DPYSL3: variants seen among roughly 807,000 people sequenced by gnomAD.
The protein encoded by DPYSL3 is dihydropyrimidinase-related protein 3.
DPYSL3 carries 16 observed loss-of-function variants against 66.1 expected under a neutral mutation model. The observed-to-expected ratio is 0.24, with a 90% CI of 0.16 to 0.37. The LOEUF (loss-of-function observed/expected upper bound fraction) is 0.37. Ranked by LOEUF, DPYSL3 falls within the 10% of genes least tolerant of loss-of-function variation. DPYSL3 has a pLI of 1.00. For synonymous variants in DPYSL3, 338 were observed against 345.1 expected (o/e 0.98, Z 0.23); for missense variants, 738 against 916.2 (o/e 0.81, Z 2.51).
intron 1 of DPYSL3, among the ~76,000 whole-genome samples, chr5:147,506,784 T>A (rs1241042202): frequency 6.6e-6 from 1 of 152,120 alleles, no homozygotes; most frequent in Non-Finnish European, 1.5e-5. Flanking sequence ...AGAGGCTAAG[T>A]TACATGCTTA....
intron 1 of DPYSL3, among the ~76,000 whole-genome samples, chr5:147,502,279 G>A (rs905847690): frequency 4.6e-5 from 7 of 151,836 alleles, no homozygotes; most frequent in Non-Finnish European, 1.0e-4. Flanking sequence ...GAAATTGGGG[G>A]TACACAAACC....
At chr5:147,444,674 G>A (rs550367463) in intron 1 of DPYSL3, among the ~76,000 whole-genome samples, 94 of 152,238 alleles carry the variant, frequency 6.2e-4, no homozygotes, top group Admixed American at 2.2e-3. Flanking sequence ...TGTACCCAGA[G>A]ATAAGCCTGG....
At chr5:147,478,195 T>C (rs1298203941) in intron 1 of DPYSL3, among the ~76,000 whole-genome samples, 2 of 152,250 alleles carry the variant, frequency 1.3e-5, no homozygotes, top group African/African-American at 4.8e-5. Context: ...ATAGGTCTTC[T>C]TAATACACAC....
chr5:147,478,778 A>C lies in DPYSL3; in HGVS notation c.381+30700T>G, dbSNP rs76838922. ...TCTTATCCCTCAAGGTTGGTTCTCT[A>C]TCTGTCTGTGGGACCTTGGGGCCCT... On this transcript the variant is annotated intron_variant, in intron 1 of 13. Coordinates refer to ENST00000343218, the MANE Select transcript of DPYSL3 (RefSeq NM_001197294.2). Among the ~76,000 whole-genome samples the C allele has an allele frequency of 1.2e-4, 19 of 152,236 alleles. No individual in the cohort carries two copies. In the East Asian group the frequency reaches 2.5e-3, roughly 20 times the overall value.
At chr5:147,401,397 G>C (rs560712704) in intron 9 of DPYSL3, 143 bp downstream of exon 9, 101 of 940,820 alleles carry the variant, frequency 1.1e-4, no homozygotes, top group Middle Eastern at 6.5e-4. Flanking sequence ...CTACGCTCAA[G>C]ACTGTAAAAG....
intron 1 of DPYSL3, among the ~76,000 whole-genome samples, chr5:147,450,177 T>C (rs1752700762): frequency 6.6e-6 from 1 of 152,216 alleles, no homozygotes; most frequent in African/African-American, 2.4e-5. Flanking sequence ...AATTATTTTT[T>C]ATTTTCTAAG....
chr5:147,430,103 G>A (rs1181126112), intron 1 of DPYSL3, among the ~76,000 whole-genome samples: 1 of 151,200 alleles, frequency 6.6e-6, no homozygotes, highest in South Asian at 2.1e-4. Flanking sequence ...GAGGAACAAA[G>A]AAATGAATAA....
chr5:147,397,911 T>C, intron 11 of DPYSL3, 66 bp from the exon 12 acceptor site: 1 of 1,420,568 alleles, frequency 7.0e-7, no homozygotes, highest in Non-Finnish European at 9.4e-7. Context: ...CCTTCTCTCC[T>C]TGAGACCTTC....
rs563053842 is a variant in DPYSL3 at position 147,441,676 on chromosome 5, C to T, written c.382-16713G>A. Among the ~76,000 whole-genome samples, 70 of 152,236 alleles carry T rather than the reference C, an allele frequency of 4.6e-4. 2 individuals are homozygous for T. In the South Asian group the frequency reaches 0.014, roughly 31 times the overall value. ...TCCTATGCCTCATACTTTTTTAAAC[C>T]TATTTTACCGTATGACCTTGGCAAA... On this transcript the variant is annotated intron_variant, in intron 1 of 13. Coordinates refer to ENST00000343218, the MANE Select transcript of DPYSL3 (RefSeq NM_001197294.2).
At chr5:147,454,427 C>T (rs1030495041) in intron 1 of DPYSL3, among the ~76,000 whole-genome samples, 1 of 152,204 alleles carries the variant, frequency 6.6e-6, no homozygotes, top group African/African-American at 2.4e-5. Context: ...AATGGAAAGC[C>T]GTGACTCGCT....
At chr5:147,425,529 GGGGAA>G (rs1411037445) in intron 1 of DPYSL3, among the ~76,000 whole-genome samples, 1 of 152,202 alleles carries the variant, frequency 6.6e-6, no homozygotes, top group Non-Finnish European at 1.5e-5. Context: ...ACCGCTAGAA[GGGGAA>G]AAGGCAAAGT....
chr5:147,496,453 T>G (rs909916855), intron 1 of DPYSL3, among the ~76,000 whole-genome samples: 3 of 151,708 alleles, frequency 2.0e-5, no homozygotes, highest in African/African-American at 7.3e-5. Context: ...ACCATCAGAG[T>G]GAACAGGCAA....
In DPYSL3 at chr5:147,415,860, C is replaced by T; in HGVS notation, c.669G>A (p.Val223=). 1 of 1,613,744 alleles carries T rather than the reference C, an allele frequency of 6.2e-7. No individual in the cohort carries two copies. Residue 223 remains valine, a synonymous_variant, in exon 4 of 14, where the codon GTG becomes GTA. Transcript: ENST00000343218. ...CAGTCAGGCTGGACTCAGGCTCAGG[C>T]ACCACATGGTCAACTGAATGACAGA... The part of the protein sequence containing the change: ...GGTTMIIDHV[V]PEPESSLTEA...
chr5:147,431,645 A>C (rs1001607207), intron 1 of DPYSL3, among the ~76,000 whole-genome samples: 1 of 152,144 alleles, frequency 6.6e-6, no homozygotes, highest in Non-Finnish European at 1.5e-5. Flanking sequence ...GTTAATCAAA[A>C]TATAACAGAC....
intron 7 of DPYSL3, among the ~76,000 whole-genome samples, chr5:147,408,349 A>G (rs1021435798): frequency 2.0e-5 from 3 of 152,212 alleles, no homozygotes; most frequent in African/African-American, 7.2e-5. Flanking sequence ...CAAATTGATG[A>G]GTATAATGTA....
At chr5:147,428,494 G>C (rs2126339431) in intron 1 of DPYSL3, among the ~76,000 whole-genome samples, 1 of 152,090 alleles carries the variant, frequency 6.6e-6, no homozygotes. Context: ...TGTGAGCGTG[G>C]GGTATGACAT....
At chr5:147,474,814 A>G (rs958467785) in intron 1 of DPYSL3, among the ~76,000 whole-genome samples, 1 of 152,132 alleles carries the variant, frequency 6.6e-6, no homozygotes, top group Admixed American at 6.5e-5. Flanking sequence ...TCACCAATTT[A>G]AAGTATACAA....
At chr5:147,399,309 G>A (rs1758099452) in intron 10 of DPYSL3, 57 bp from the exon 11 acceptor site, 1 of 1,544,632 alleles carries the variant, frequency 6.5e-7, no homozygotes, top group Non-Finnish European at 8.7e-7. Flanking sequence ...ATCAATTCAG[G>A]GCTTCTGAAC....
chr5:147,491,784 A>G (rs539597988), intron 1 of DPYSL3, among the ~76,000 whole-genome samples: 56 of 152,228 alleles, frequency 3.7e-4, no homozygotes, highest in African/African-American at 1.3e-3. Flanking sequence ...ACCAAAACAG[A>G]ATATCCAAGA....
Sources: gnomAD v4.1 joint callset for allele counts (sites outside exome capture counted in the v4.1 genomes callset) on GRCh38, gnomAD v4.1.1 for gene constraint, MANE v1.5 for transcripts, NCBI Gene and HGNC (gene_info 2026-07-23, HGNC 2026-07-21) for gene names.